Variants in USP31 observed in about 807,000 individuals in gnomAD.
The protein encoded by USP31 is ubiquitin specific peptidase 31.
In USP31, 44 loss-of-function variants were observed where a neutral mutation model predicts 119.4. The observed-to-expected ratio is 0.37, with a 90% CI of 0.29 to 0.47. The LOEUF is 0.47. Ranked by LOEUF, USP31 falls within the 20% of genes least tolerant of loss-of-function variation. The pLI, the probability that USP31 is intolerant of heterozygous loss-of-function variation, is 0.99. For synonymous variants in USP31, 749 were observed against 705.6 expected, an observed-to-expected ratio of 1.06 and a Z score of -0.97; for missense variants, 1,643 against 1,730.2, an observed-to-expected ratio of 0.95 and a Z score of 0.89.
At chr16:23,097,258 C>G (rs1478085900) in intron 6 of USP31, among the ~76,000 whole-genome samples, 1 of 152,184 alleles carries the variant, frequency 6.6e-6, no homozygotes, top group Non-Finnish European at 1.5e-5. Context: ...TGGATAAATT[C>G]CTGAACACAT....
At chr16:23,071,663 GAGCC>G (rs1567224685) in intron 15 of USP31, among the ~76,000 whole-genome samples, 2 of 151,586 alleles carry the variant, frequency 1.3e-5, no homozygotes, top group African/African-American at 4.9e-5. Flanking sequence ...GCCAAGCCTG[GAGCC>G]GACTCCCCAC....
rs1187468525 is a variant in USP31, at chr16:23,105,568, T to C, written c.962A>G (p.Tyr321Cys). 4 of 1,613,738 alleles carry C rather than the reference T, an allele frequency of 2.5e-6. No homozygotes were observed. Among genetic ancestry groups the C allele is most frequent in the East Asian group, 2.2e-5 (1 of 44,872 alleles). ...PIPLPHTRPL[Y>C]VTVVYQGKCS... ...TTTGCCTTGATACACTACAGTGACATAGAGAGGCCTGTACAGATCAAAGTC... is the reference window on the plus strand; with the variant it reads ...TTTGCCTTGATACACTACAGTGACACAGAGAGGCCTGTACAGATCAAAGTC... The change falls in exon 5 of 16, where the codon TAT (tyrosine) becomes TGT (cysteine). Residue 321 changes from tyrosine to cysteine, a missense_variant. Tyr to Cys is a radical substitution (Grantham distance 194). Coordinates refer to ENST00000219689, the MANE Select transcript of USP31 (RefSeq NM_020718.4).
intron 7 of USP31, 137 bp downstream of exon 7, chr16:23,090,487 A>G (rs963406713): frequency 1.1e-6 from 1 of 901,604 alleles, no homozygotes; most frequent in Non-Finnish European, 1.6e-6. Context: ...GTCAACTTGT[A>G]CATGTATTCT....
rs548245972 is a variant in USP31 at position 23,098,606 on chromosome 16, A to G, written c.1234+3713T>C. On this transcript the variant is annotated intron_variant, in intron 6 of 15. Transcript: ENST00000219689. Reference sequence around the variant, plus strand: ...GCTACAGTAACCAAAACAGCATGGTACTGGTACCAACACAGAGATATAGAC... The same window carrying G: ...GCTACAGTAACCAAAACAGCATGGTGCTGGTACCAACACAGAGATATAGAC... Among the ~76,000 whole-genome samples the G allele has an allele frequency of 1.6e-3, 238 of 152,316 alleles. 3 individuals carry two copies. The highest frequency in any genetic ancestry group is 4.7e-4 in the Non-Finnish European group (32 of 68,018).
At chr16:23,136,744 GA>G (rs1903205290) in intron 1 of USP31, among the ~76,000 whole-genome samples, 1 of 151,752 alleles carries the variant, frequency 6.6e-6, no homozygotes, top group East Asian at 1.9e-4. Context: ...TCATATATCT[GA>G]TAAGAAATTA....
intron 1 of USP31, among the ~76,000 whole-genome samples, chr16:23,123,832 T>C (rs565014845): frequency 6.6e-6 from 1 of 152,152 alleles, no homozygotes; most frequent in African/African-American, 2.4e-5. Flanking sequence ...AGACCTGGTT[T>C]CTACCAAAAA....
rs1481689063 is a variant in USP31, at chr16:23,068,974, GGTCTC to G, written c.3126_3130del (p.Arg1043SerfsTer112). The stretch of plus-strand genomic sequence containing the variant: ...GGATGACTCCTGGCTTGCCAAGGCT[GGTCTC>G]CCCTTCCGCAAGCTTTTCTCTGGCT... On this transcript the variant is annotated frameshift_variant, in exon 16 of 16. Coordinates refer to ENST00000219689, the MANE Select transcript of USP31 (RefSeq NM_020718.4). LOFTEE classifies it high-confidence loss of function. 1.2e-6 allele frequency: 2 copies of G among 1,614,040 alleles called. No individual in the cohort carries two copies. Among genetic ancestry groups the G allele is most frequent in the Non-Finnish European group, 1.7e-6 (2 of 1,180,046 alleles).
intron 13 of USP31, among the ~76,000 whole-genome samples, chr16:23,076,164 T>G (rs1900562206): frequency 6.6e-6 from 1 of 151,978 alleles, no homozygotes; most frequent in Non-Finnish European, 1.5e-5. Context: ...AATAGCTTAA[T>G]GCATGCTGGG....
At position 23,069,169 on chromosome 16, in the gene USP31, A is replaced by G; in HGVS notation, c.2936T>C (p.Leu979Pro). 2 of 1,614,118 alleles carry G rather than the reference A, an allele frequency of 1.2e-6. No individual in the cohort carries two copies. The highest frequency in any genetic ancestry group is 1.1e-5 in the South Asian group (1 of 91,084). Residue 979 changes from leucine to proline, a missense_variant, in exon 16 of 16, where the codon CTC becomes CCC. Physicochemically the swap from Leu to Pro is moderately conservative, Grantham distance 98. Around this residue, in one of 5 missense-constraint regions of USP31, gnomAD observed 699 missense variants for 650.9 expected, o/e 1.07. Coordinates refer to ENST00000219689, the MANE Select transcript of USP31 (RefSeq NM_020718.4). Reference sequence around the variant, plus strand: ...ATTATTGTTATCAAATGGACCAGAGAGCGGGGGCAGGCGGTCCCCTTGTGC... The same window carrying G: ...ATTATTGTTATCAAATGGACCAGAGGGCGGGGGCAGGCGGTCCCCTTGTGC... ...HSAQGDRLPPLSGPFDNNNQI... is the reference protein window; with the variant it reads ...HSAQGDRLPPPSGPFDNNNQI...
chr16:23,131,292 A>C (rs1903023979), intron 1 of USP31, among the ~76,000 whole-genome samples: 1 of 152,166 alleles, frequency 6.6e-6, no homozygotes, highest in Non-Finnish European at 1.5e-5. Context: ...ACAGAGCAAG[A>C]CTGTCTAAAA....
rs1210591118 is a variant in USP31 at position 23,061,642 on chromosome 16, C to T, written c.*6404G>A. 1 of 152,562 alleles carries T rather than the reference C, an allele frequency of 6.6e-6. No homozygotes were observed. Among genetic ancestry groups the T allele is most frequent in the Non-Finnish European group, 1.5e-5 (1 of 68,024 alleles). 9.5% of individuals were successfully genotyped at this position (152,562 alleles called of 1,614,324 possible). ...TGTTCTAAAATAAATTTAAAATGTA[C>T]GATACACTTTTCTTCCAGCCTCTAG... is the stretch of plus-strand genomic sequence containing the variant. On this transcript the variant is annotated 3_prime_UTR_variant, in exon 16 of 16. Coordinates refer to ENST00000219689, the MANE Select transcript of USP31 (RefSeq NM_020718.4).
In USP31 at chr16:23,147,172, G is replaced by T. The variant is rs538392599; in HGVS notation, c.633+1466C>A. Among the ~76,000 whole-genome samples, 3 of 152,084 alleles carry T rather than the reference G, an allele frequency of 2.0e-5. No homozygotes were observed. The East Asian group carries it at 5.8e-4, about 29-fold the overall frequency. On this transcript the variant is annotated intron_variant, in intron 1 of 15. Transcript: ENST00000219689. ...TGCCCAGGCTGGAGTGCAATGGCAC[G>T]ATCTCGGCTCACTGCAACGTCCGCC...
chr16:23,104,649 T>G (rs534810712), intron 5 of USP31, among the ~76,000 whole-genome samples: 11 of 152,326 alleles, frequency 7.2e-5, no homozygotes, highest in African/African-American at 2.6e-4. Context: ...TGAGGCCACA[T>G]GAGGCCAAAG....
intron 6 of USP31, among the ~76,000 whole-genome samples, chr16:23,092,666 G>C (rs939905258): frequency 6.6e-6 from 1 of 152,244 alleles, no homozygotes. Flanking sequence ...ACAGGGAAAC[G>C]TAACAACTGG....
Position 23,067,544 on chromosome 16 carries a change from AAG to A in USP31, c.*500_*501del, listed in dbSNP as rs1440949773. The A allele has an allele frequency of 6.5e-6, 1 of 154,670 alleles. No individual in the cohort carries two copies. Among genetic ancestry groups the A allele is most frequent in the Non-Finnish European group, 1.4e-5 (1 of 69,554 alleles). 9.6% of individuals were successfully genotyped at this position (154,670 alleles called of 1,614,324 possible). A position where few individuals can be genotyped will look rare whatever the true frequency, so the allele number is the denominator to read the frequency against. On this transcript the variant is annotated 3_prime_UTR_variant, in exon 16 of 16. Transcript: ENST00000219689. ...TAGATGGGGCGAAAGTGCAGAAAGC[AAG>A]AGTTTTTCCCTCGATTTGTTTCGTT...
At chr16:23,108,719 T>C (rs1416877896) in intron 1 of USP31, among the ~76,000 whole-genome samples, 1 of 152,228 alleles carries the variant, frequency 6.6e-6, no homozygotes, top group African/African-American at 2.4e-5. Context: ...ACCTACATAT[T>C]AAGTATTATC....
At position 23,105,425 on chromosome 16, in the gene USP31, T is replaced by C; in HGVS notation, c.1089+16A>G. 1.3e-6 allele frequency: 2 copies of C among 1,592,742 alleles called. No individual in the cohort carries two copies. Among genetic ancestry groups the C allele is most frequent in the Non-Finnish European group, 1.7e-6 (2 of 1,169,172 alleles). On this transcript the variant is annotated intron_variant, in intron 5 of 15. Transcript: ENST00000219689. Reference sequence around the variant, plus strand: ...TTTTGTGGCTCATGTGTAACTGGTCTTAGCAGACTTATTACCTGATCAGTG... The same window carrying C: ...TTTTGTGGCTCATGTGTAACTGGTCCTAGCAGACTTATTACCTGATCAGTG...
intron 1 of USP31, among the ~76,000 whole-genome samples, chr16:23,115,236 T>G (rs773081382): frequency 2.0e-5 from 3 of 152,230 alleles, no homozygotes; most frequent in Non-Finnish European, 4.4e-5. Context: ...TAAACCTTAG[T>G]TTATTTGATG....
intron 1 of USP31, among the ~76,000 whole-genome samples, chr16:23,137,445 A>T (rs189578380): frequency 1.3e-5 from 2 of 152,226 alleles, no homozygotes; most frequent in East Asian, 3.9e-4. Flanking sequence ...AAGAACTCAA[A>T]CAGATTCAAG....
Sources: allele counts gnomAD v4.1 joint callset (sites outside exome capture counted in the v4.1 genomes callset), GRCh38; gene constraint gnomAD v4.1.1; regional missense constraint gnomAD v4.1.1; transcripts MANE v1.5; gene names NCBI Gene and HGNC (gene_info 2026-07-23, HGNC 2026-07-21).